NCAM2: variants seen among roughly 807,000 people sequenced by gnomAD.
The protein encoded by NCAM2 is neural cell adhesion molecule 2.
NCAM2 carries 30 observed loss-of-function variants against 98.1 expected under a neutral mutation model. That is an observed-to-expected ratio of 0.31 (90% CI 0.23 to 0.41). NCAM2 has a LOEUF of 0.41. Among genes scored for constraint, NCAM2 ranks in the 10% least tolerant of loss-of-function variants. The pLI is 1.00. For synonymous variants in NCAM2, 368 were observed against 342.4 expected (o/e 1.07, Z -0.83); for missense variants, 867 against 1,005.8 (o/e 0.86, Z 1.87).
At chr21:21,082,761 C>A (rs139866790) in intron 1 of NCAM2, among the ~76,000 whole-genome samples, 2 of 152,248 alleles carry the variant, frequency 1.3e-5, no homozygotes, top group East Asian at 3.9e-4. Flanking sequence ...GTTTTCTCCT[C>A]TCCATCTTTT....
chr21:21,036,836 A>G (rs1218055326), intron 1 of NCAM2, among the ~76,000 whole-genome samples: 1 of 152,198 alleles, frequency 6.6e-6, no homozygotes, highest in Non-Finnish European at 1.5e-5. Context: ...GGTAGCCTGA[A>G]GTTGAGCTAA....
chr21:21,051,548 C>G (rs1461151613), intron 1 of NCAM2, among the ~76,000 whole-genome samples: 3 of 152,140 alleles, frequency 2.0e-5, no homozygotes, highest in Admixed American at 1.3e-4. Flanking sequence ...TTGTTTGCAA[C>G]TCAGGTTTCT....
chr21:21,065,976 A>G (rs548970896), intron 1 of NCAM2, among the ~76,000 whole-genome samples: 39 of 152,328 alleles, frequency 2.6e-4, no homozygotes, highest in African/African-American at 8.9e-4. Flanking sequence ...TTAAATAGGT[A>G]TATGCAGAAC....
chr21:21,527,780 C>T (rs900998152), intron 16 of NCAM2, among the ~76,000 whole-genome samples: 3 of 152,118 alleles, frequency 2.0e-5, no homozygotes, highest in Non-Finnish European at 4.4e-5. Flanking sequence ...CTGTGGAAGA[C>T]AATTTAGCAG....
At chr21:21,447,477 G>GA (rs570615742) in intron 12 of NCAM2, among the ~76,000 whole-genome samples, 87 of 152,224 alleles carry the variant, frequency 5.7e-4, no homozygotes, top group African/African-American at 2.0e-3. Flanking sequence ...TGCAGTTCAA[G>GA]ACGTAGGCAT....
At chr21:21,217,798 G>T (rs930280238) in intron 1 of NCAM2, among the ~76,000 whole-genome samples, 2 of 152,104 alleles carry the variant, frequency 1.3e-5, no homozygotes, top group Non-Finnish European at 2.9e-5. Flanking sequence ...GAAGGGGAGG[G>T]TGGAGGGAGT....
intron 1 of NCAM2, among the ~76,000 whole-genome samples, chr21:21,193,492 CTTTTTT>C (rs768928139): frequency 4.0e-5 from 5 of 123,790 alleles, no homozygotes; most frequent in Middle Eastern, 0.011. Context: ...AGTACTTTTC[CTTTTTT>C]TTTTTTTTTT....
intron 9 of NCAM2, among the ~76,000 whole-genome samples, chr21:21,378,583 A>G (rs1402389266): frequency 7.9e-5 from 12 of 151,970 alleles, no homozygotes; most frequent in Admixed American, 3.3e-4. Flanking sequence ...CCTCTATCAG[A>G]TGTGTGGTTT....
At chr21:21,339,670 A>G (rs1243113994) in intron 8 of NCAM2, among the ~76,000 whole-genome samples, 1 of 151,922 alleles carries the variant, frequency 6.6e-6, no homozygotes, top group Non-Finnish European at 1.5e-5. Flanking sequence ...ATTAACATTG[A>G]TAGTAAAAAA....
chr21:21,269,152 C>G (rs2046486118), intron 1 of NCAM2, among the ~76,000 whole-genome samples: 3 of 152,128 alleles, frequency 2.0e-5, no homozygotes, highest in African/African-American at 2.4e-5. Flanking sequence ...TTTATGAATA[C>G]TTTGGAGTGC....
At chr21:21,415,521 G>A (rs1286182609) in intron 10 of NCAM2, among the ~76,000 whole-genome samples, 1 of 151,712 alleles carries the variant, frequency 6.6e-6, no homozygotes, top group African/African-American at 2.4e-5. Context: ...ACTTTTAGTA[G>A]AGACAGGGTT....
intron 1 of NCAM2, among the ~76,000 whole-genome samples, chr21:21,110,180 T>C (rs990927934): frequency 1.9e-4 from 29 of 152,156 alleles, no homozygotes; most frequent in African/African-American, 6.5e-4. Context: ...CAGAAAAAAA[T>C]ACGTTCTACC....
chr21:21,503,208 G>A (rs1006723811), intron 15 of NCAM2, among the ~76,000 whole-genome samples: 3 of 151,730 alleles, frequency 2.0e-5, no homozygotes, highest in African/African-American at 7.3e-5. Context: ...TTTCCTCTAC[G>A]TACATACCTA....
intron 16 of NCAM2, among the ~76,000 whole-genome samples, chr21:21,531,940 C>T (rs1206597351): frequency 1.3e-5 from 2 of 151,238 alleles, no homozygotes; most frequent in Non-Finnish European, 2.9e-5. Context: ...TGGCAGTGAG[C>T]CGAGATCACG....
chr21:21,184,190 A>C (rs1257148687), intron 1 of NCAM2, among the ~76,000 whole-genome samples: 1 of 152,046 alleles, frequency 6.6e-6, no homozygotes, highest in Non-Finnish European at 1.5e-5. Context: ...TATTCTGATA[A>C]AATTTAGGTT....
At chr21:21,363,416 T>C (rs530772414) in intron 8 of NCAM2, among the ~76,000 whole-genome samples, 29 of 152,256 alleles carry the variant, frequency 1.9e-4, no homozygotes, top group African/African-American at 6.7e-4. Context: ...CAATTTTCCC[T>C]GTACTATAAA....
At chr21:21,091,483 T>C (rs941065766) in intron 1 of NCAM2, among the ~76,000 whole-genome samples, 9 of 152,114 alleles carry the variant, frequency 5.9e-5, no homozygotes, top group Non-Finnish European at 1.3e-4. Flanking sequence ...TGTATTAGTA[T>C]GTTTTCACGA....
At chr21:21,215,949 G>C (rs191101374) in intron 1 of NCAM2, among the ~76,000 whole-genome samples, 2 of 152,212 alleles carry the variant, frequency 1.3e-5, no homozygotes, top group East Asian at 1.9e-4. Flanking sequence ...AATATGAGCT[G>C]AATTCGAATG....
At chr21:21,404,874 T>C (rs2076707860) in intron 9 of NCAM2, among the ~76,000 whole-genome samples, 1 of 151,534 alleles carries the variant, frequency 6.6e-6, no homozygotes, top group East Asian at 1.9e-4. Context: ...GTTGCTTTTT[T>C]ACAAAAGCAA....
Sources: allele counts gnomAD v4.1 joint callset (sites outside exome capture counted in the v4.1 genomes callset), GRCh38; gene constraint gnomAD v4.1.1; transcripts MANE v1.5; gene names NCBI Gene and HGNC (gene_info 2026-07-23, HGNC 2026-07-21).